CNTN1: variants seen among roughly 807,000 people sequenced by gnomAD.
CNTN1 encodes the protein contactin-1.
A neutral mutation model predicts 126.4 loss-of-function variants in CNTN1; 38 were observed. The ratio of observed to expected loss-of-function variants is 0.30; its 90% CI spans 0.23 to 0.39. The LOEUF is 0.39. Ranked by LOEUF, CNTN1 falls within the 10% of genes least tolerant of loss-of-function variation. The pLI is 1.00. For synonymous variants in CNTN1, 413 were observed against 422.6 expected, an observed-to-expected ratio of 0.98 and a Z score of 0.28; for missense variants, 1,009 against 1,248.4, an observed-to-expected ratio of 0.81 and a Z score of 2.89.
At chr12:41,058,468 G>A (rs528299725) in intron 23 of CNTN1, among the ~76,000 whole-genome samples, 8 of 152,176 alleles carry the variant, frequency 5.3e-5, no homozygotes, top group African/African-American at 1.9e-4. Context: ...AATTTGATTT[G>A]TTCAATGTAA....
chr12:40,839,964 C>A lies in CNTN1; in HGVS notation c.-76-68393C>A, dbSNP rs1234958935. ...AGGAATATATACAACAACCAGAAAA[C>A]AACAATATGACAGGAACAAAGCCTC... is the stretch of plus-strand genomic sequence containing the variant. On this transcript the variant is annotated intron_variant, in intron 1 of 23. Coordinates refer to ENST00000551295, the MANE Select transcript of CNTN1 (RefSeq NM_001843.4). Among the ~76,000 whole-genome samples, 4 of 152,036 alleles carry A rather than the reference C, an allele frequency of 2.6e-5. No homozygotes were observed. In the East Asian group the frequency reaches 7.7e-4, roughly 29 times the overall value.
At chr12:40,832,512 G>A (rs550858496) in intron 1 of CNTN1, among the ~76,000 whole-genome samples, 9 of 152,276 alleles carry the variant, frequency 5.9e-5, no homozygotes, top group Admixed American at 5.2e-4. Context: ...GCCTACGTAT[G>A]AAGTAGGCTA....
intron 6 of CNTN1, among the ~76,000 whole-genome samples, chr12:40,925,627 A>T (rs2405297): frequency 7.3e-6 from 1 of 136,854 alleles, no homozygotes; most frequent in African/African-American, 2.8e-5. Flanking sequence ...ATATATACAC[A>T]TATATATATA....
chr12:40,823,240 T>G (rs780886437), intron 1 of CNTN1, among the ~76,000 whole-genome samples: 17 of 152,178 alleles, frequency 1.1e-4, no homozygotes, highest in Non-Finnish European at 1.8e-4. Context: ...GTTGGTATTC[T>G]GGGATATAAG....
chr12:40,869,027 A>AT (rs1315923350), intron 1 of CNTN1, among the ~76,000 whole-genome samples: 2 of 151,882 alleles, frequency 1.3e-5, no homozygotes, highest in African/African-American at 4.8e-5. Flanking sequence ...ATTAAAGTCA[A>AT]TATTTCTGTG....
At chr12:40,778,878 G>GT (rs1939689928) in intron 1 of CNTN1, among the ~76,000 whole-genome samples, 1 of 151,800 alleles carries the variant, frequency 6.6e-6, no homozygotes. Flanking sequence ...CAGTGACTGA[G>GT]TTAGTTGCCT....
chr12:40,759,016 GC>G (rs1458892428), intron 1 of CNTN1, among the ~76,000 whole-genome samples: 14 of 152,018 alleles, frequency 9.2e-5, no homozygotes, highest in Non-Finnish European at 2.9e-5. Context: ...CTATTCTCCT[GC>G]CTCGGCCTCC....
chr12:40,846,249 T>A (rs1046080212), intron 1 of CNTN1, among the ~76,000 whole-genome samples: 1 of 151,176 alleles, frequency 6.6e-6, no homozygotes, highest in Non-Finnish European at 1.5e-5. Context: ...CTGAGGCGGG[T>A]GGATCATGAG....
At chr12:40,998,846 TA>T (rs2120572766) in intron 17 of CNTN1, among the ~76,000 whole-genome samples, 1 of 152,212 alleles carries the variant, frequency 6.6e-6, no homozygotes, top group East Asian at 1.9e-4. Context: ...CAATGCAAGT[TA>T]AAGTAAAAAG....
chr12:40,868,390 G>T (rs1038475649), intron 1 of CNTN1, among the ~76,000 whole-genome samples: 5 of 152,112 alleles, frequency 3.3e-5, no homozygotes, highest in Non-Finnish European at 7.4e-5. Flanking sequence ...TACATCCTTG[G>T]TAGATGGGAG....
chr12:41,013,078 A>G (rs1948701446), intron 17 of CNTN1, among the ~76,000 whole-genome samples: 1 of 152,124 alleles, frequency 6.6e-6, no homozygotes, highest in Non-Finnish European at 1.5e-5. Context: ...GCTGGATTTT[A>G]TAGTCAGGTT....
intron 15 of CNTN1, among the ~76,000 whole-genome samples, chr12:40,967,051 A>G (rs942376671): frequency 2.6e-5 from 4 of 152,006 alleles, no homozygotes; most frequent in Admixed American, 1.3e-4. Flanking sequence ...TTAAAAAATA[A>G]TCGGCCAGGG....
intron 19 of CNTN1, 114 bp downstream of exon 19, chr12:41,017,030 A>G (rs921092265): frequency 2.5e-6 from 2 of 803,660 alleles, no homozygotes; most frequent in Non-Finnish European, 4.3e-6. Context: ...TTATAGCATT[A>G]TGCATTTAGT....
intron 15 of CNTN1, among the ~76,000 whole-genome samples, chr12:40,978,236 A>G (rs546790797): frequency 2.6e-5 from 4 of 152,172 alleles, no homozygotes; most frequent in African/African-American, 9.6e-5. Context: ...CTTAATTCTA[A>G]AATCCCTGTT....
At chr12:40,742,163 A>G (rs1164011496) in intron 1 of CNTN1, among the ~76,000 whole-genome samples, 1 of 152,102 alleles carries the variant, frequency 6.6e-6, no homozygotes, top group Admixed American at 6.6e-5. Flanking sequence ...CCTAGCCACA[A>G]CTGAATGAAG....
chr12:41,002,700 G>C (rs1195340468), intron 17 of CNTN1, among the ~76,000 whole-genome samples: 1 of 151,800 alleles, frequency 6.6e-6, no homozygotes, highest in Non-Finnish European at 1.5e-5. Flanking sequence ...TGGGACCACA[G>C]GTGCCTACCA....
intron 1 of CNTN1, among the ~76,000 whole-genome samples, chr12:40,781,051 T>C (rs1362247886): frequency 1.1e-4 from 17 of 151,908 alleles, no homozygotes; most frequent in Non-Finnish European, 1.5e-5. Context: ...TATAAGCAGC[T>C]AATAATGGGA....
chr12:40,926,558 A>G (rs1239987151), intron 6 of CNTN1, among the ~76,000 whole-genome samples: 1 of 152,094 alleles, frequency 6.6e-6, no homozygotes, highest in African/African-American at 2.4e-5. Context: ...GGCTTTGAGC[A>G]GAGGAGACAC....
chr12:41,000,852 T>C (rs1948342354), intron 17 of CNTN1, among the ~76,000 whole-genome samples: 1 of 152,192 alleles, frequency 6.6e-6, no homozygotes, highest in Non-Finnish European at 1.5e-5. Context: ...TCTCATCATT[T>C]AGCCTCCACT....
Sources: gnomAD v4.1 joint callset for allele counts (sites outside exome capture counted in the v4.1 genomes callset) on GRCh38, gnomAD v4.1.1 for gene constraint, MANE v1.5 for transcripts, NCBI Gene and HGNC (gene_info 2026-07-23, HGNC 2026-07-21) for gene names.